PYROXD1: variants seen among roughly 807,000 people sequenced by gnomAD.
The protein encoded by PYROXD1 is tRNA ligase complex-associated NAD(P)H dehydrogenase PYROXD1.
A neutral mutation model predicts 62.0 loss-of-function variants in PYROXD1; 42 were observed. The ratio of observed to expected loss-of-function variants is 0.68; its 90% CI spans 0.53 to 0.88. The LOEUF (loss-of-function observed/expected upper bound fraction) is 0.88, where lower values mean the gene tolerates loss of function less well. Among genes scored for constraint, PYROXD1 ranks in the 40% least tolerant of loss-of-function variants. The pLI, the probability that PYROXD1 is intolerant of heterozygous loss-of-function variation, is 0.00. For missense variants in PYROXD1, 493 were observed against 604.8 expected, an observed-to-expected ratio of 0.82 and a Z score of 1.94; for synonymous variants, 170 against 206.4, an observed-to-expected ratio of 0.82 and a Z score of 1.51.
At chr12:21,449,465 G>A in intron 3 of PYROXD1, 98 bp from the exon 4 acceptor site, 1 of 1,158,762 alleles carries the variant, frequency 8.6e-7, no homozygotes, top group Admixed American at 2.5e-5. Context: ...AATATATTAT[G>A]TTTTGCTTTT....
At position 21,440,456 on chromosome 12, in the gene PYROXD1, C is replaced by T; in HGVS notation, c.165+8C>T. ...GTTACAAATTTCAAGCAGGTAAGAACCTTTGTATAACTTGTTAATATTAAT... is the reference window on the plus strand; with the variant it reads ...GTTACAAATTTCAAGCAGGTAAGAATCTTTGTATAACTTGTTAATATTAAT... On this transcript the variant is annotated splice_region_variant and intron_variant, in intron 2 of 11. Transcript: ENST00000240651. 1 of 1,517,902 alleles carries T rather than the reference C, an allele frequency of 6.6e-7. No homozygotes were observed. Among genetic ancestry groups the T allele is most frequent in the Non-Finnish European group, 9.0e-7 (1 of 1,105,700 alleles). 94.0% of individuals were successfully genotyped at this position (1,517,902 alleles called of 1,614,324 possible).
In PYROXD1 at chr12:21,437,821, C is replaced by G; in HGVS notation, c.84+7C>G. ...CGTCACTTGTGCGGAGCAGGTAGGG[C>G]GGTGCTCAGGCGGTTCCGCCTCTTT... On this transcript the variant is annotated splice_region_variant and intron_variant, in intron 1 of 11. Coordinates refer to ENST00000240651, the MANE Select transcript of PYROXD1 (RefSeq NM_024854.5). The G allele has an allele frequency of 6.2e-7, 1 of 1,610,686 alleles. No homozygotes were observed. The highest frequency in any genetic ancestry group is 1.1e-5 in the South Asian group (1 of 90,252).
In PYROXD1 at chr12:21,464,140, T is replaced by G. The variant is rs1273088659; in HGVS notation, c.1116+1278T>G. Among the ~76,000 whole-genome samples the G allele has an allele frequency of 1.6e-3, 94 of 58,628 alleles. 1 individual carries two copies. The South Asian group carries it at 0.035, about 22-fold the overall frequency. 38.5% of individuals were successfully genotyped at this position (58,628 alleles called of 152,430 possible). On this transcript the variant is annotated intron_variant, in intron 10 of 11. Transcript: ENST00000240651. ...TTCTTAGAGTTGGAGTTTATGGGTT[T>G]TTTTTTTTTTAACATTTTTAATTCT...
chr12:21,469,208 G>C lies in PYROXD1; in HGVS notation c.*454G>C, dbSNP rs1942864676. The C allele has an allele frequency of 6.3e-6, 1 of 159,378 alleles. No homozygotes were observed. The highest frequency in any genetic ancestry group is 1.4e-5 in the Non-Finnish European group (1 of 72,752). The allele number at this position is 159,378 out of a possible 1,614,324, so 9.9% of individuals were successfully genotyped here. Reference sequence around the variant, plus strand: ...TATCTCGTTTGCTAATATTTATATTGATGACTTACTCCTTTTTTGTTGAAT... The same window carrying C: ...TATCTCGTTTGCTAATATTTATATTCATGACTTACTCCTTTTTTGTTGAAT... On this transcript the variant is annotated 3_prime_UTR_variant, in exon 12 of 12. Coordinates refer to ENST00000240651, the MANE Select transcript of PYROXD1 (RefSeq NM_024854.5).
At chr12:21,467,409 T>C in intron 10 of PYROXD1, 72 bp from the exon 11 acceptor site, 1 of 1,426,040 alleles carries the variant, frequency 7.0e-7, no homozygotes, top group South Asian at 1.4e-5. Flanking sequence ...TTTAAGTGAA[T>C]TTACAAGGTT....
Position 21,449,602 on chromosome 12 carries a change from A to T in PYROXD1, c.325A>T (p.Lys109Ter), listed in dbSNP as rs768687242. ...AGATGGCAATCAGCACGTATATAAG[A>T]AACTCTGTCTGTGTGCTGGAGCTAA... is the stretch of plus-strand genomic sequence containing the variant. Reference protein sequence around the residue: ...TEDGNQHVYKKLCLCAGAKPK... With the variant: ...TEDGNQHVYK Residue 109 changes from lysine (K) to a stop codon, truncating the protein, a stop_gained, in exon 4 of 12, where the codon AAA becomes TAA. Transcript: ENST00000240651. LOFTEE classifies it high-confidence loss of function. The T allele has an allele frequency of 1.2e-6, 2 of 1,613,340 alleles. No homozygotes were observed. The highest frequency in any genetic ancestry group is 1.7e-4 in the Middle Eastern group (1 of 6,056).
chr12:21,447,106 T>C lies in PYROXD1; in HGVS notation c.285+1640T>C, dbSNP rs573905788. Among the ~76,000 whole-genome samples, 58 of 152,248 alleles carry C rather than the reference T, an allele frequency of 3.8e-4. 1 individual carries two copies. The highest frequency in any genetic ancestry group is 1.2e-3 in the African/African-American group (50 of 41,554). On this transcript the variant is annotated intron_variant, in intron 3 of 11. Transcript: ENST00000240651. ...CTCAGGAAAGGATGTTGTTAGATGATTTACAGTATCCTCAGATGAGCTTCA... is the reference window on the plus strand; with the variant it reads ...CTCAGGAAAGGATGTTGTTAGATGACTTACAGTATCCTCAGATGAGCTTCA...
At position 21,470,404 on chromosome 12, in the gene PYROXD1, T is replaced by G; in HGVS notation, c.*1650T>G. ...CTTGGTAAAAATCCAGCTATTCAGT[T>G]TTCTCATGAGATTAAATATTTCAAA... On this transcript the variant is annotated 3_prime_UTR_variant, in exon 12 of 12. Coordinates refer to ENST00000240651, the MANE Select transcript of PYROXD1 (RefSeq NM_024854.5). The G allele has an allele frequency of 6.8e-7, 1 of 1,472,942 alleles. No homozygotes were observed. The allele number at this position is 1,472,942 out of a possible 1,614,324, so 91.2% of individuals were successfully genotyped here. A position where few individuals can be genotyped will look rare whatever the true frequency, so the allele number is the denominator to read the frequency against.
chr12:21,467,997 A>G (rs1235586432), intron 11 of PYROXD1, among the ~76,000 whole-genome samples: 2 of 140,356 alleles, frequency 1.4e-5, no homozygotes, highest in Non-Finnish European at 3.0e-5. Context: ...TCCTCTTCAC[A>G]TTGACAAAGG....
At chr12:21,454,992 C>A in intron 5 of PYROXD1, 140 bp from the exon 6 acceptor site, 1 of 429,620 alleles carries the variant, frequency 2.3e-6, no homozygotes, top group East Asian at 3.5e-5. Flanking sequence ...CGTTAATATT[C>A]CTCTTTATAA....
intron 4 of PYROXD1, among the ~76,000 whole-genome samples, chr12:21,450,038 T>G (rs1225186150): frequency 6.6e-6 from 1 of 150,954 alleles, no homozygotes; most frequent in Non-Finnish European, 1.5e-5. Flanking sequence ...TTTTTTTTTT[T>G]TTTTGTATTT....
At chr12:21,439,705 G>A (rs1942259014) in intron 1 of PYROXD1, among the ~76,000 whole-genome samples, 1 of 152,196 alleles carries the variant, frequency 6.6e-6, no homozygotes, top group African/African-American at 2.4e-5. Flanking sequence ...ATTATTGAGG[G>A]TGGTGGTGTC....
intron 3 of PYROXD1, chr12:21,448,296 G>A (rs1318887169): frequency 3.2e-5 from 11 of 338,782 alleles, no homozygotes; most frequent in Non-Finnish European, 5.7e-5. Context: ...GACGCAGAGT[G>A]TGTGGCTCAC....
intron 11 of PYROXD1, 68 bp downstream of exon 11, chr12:21,467,686 T>C (rs1942827016): frequency 2.4e-6 from 3 of 1,226,578 alleles, no homozygotes; most frequent in Non-Finnish European, 2.3e-6. Flanking sequence ...AATCATGTGA[T>C]TTTCTTGCTT....
chr12:21,451,400 T>TG (rs1387557634), intron 4 of PYROXD1, among the ~76,000 whole-genome samples: 97 of 152,128 alleles, frequency 6.4e-4, no homozygotes, highest in African/African-American at 2.3e-3. Context: ...CTTTTTTTTC[T>TG]GGGGGGTGGA....
In PYROXD1 at chr12:21,466,161, G is replaced by A. The variant is rs537672200; in HGVS notation, c.1117-1320G>A. Among the ~76,000 whole-genome samples, 83 of 150,748 alleles carry A rather than the reference G, an allele frequency of 5.5e-4. 1 individual carries two copies. In the South Asian group the frequency reaches 0.016, roughly 30 times the overall value. On this transcript the variant is annotated intron_variant, in intron 10 of 11. Coordinates refer to ENST00000240651, the MANE Select transcript of PYROXD1 (RefSeq NM_024854.5). ...ACTTGGCGATGCGGGCTCTTTTTTG[G>A]TTCCATATGAACTTTAAAGTAGTTT...
In PYROXD1 at chr12:21,468,556, A is replaced by C; in HGVS notation, c.1305A>C (p.Glu435Asp). 2 of 1,612,890 alleles carry C rather than the reference A, an allele frequency of 1.2e-6. No individual in the cohort carries two copies. The highest frequency in any genetic ancestry group is 1.7e-6 in the Non-Finnish European group (2 of 1,179,172). The change falls in exon 12 of 12, where the codon GAA (glutamate) becomes GAC (aspartate). Residue 435 changes from glutamate (E) to aspartate (D), a missense_variant. Physicochemically the swap from Glu to Asp is conservative, Grantham distance 45 (BLOSUM62 2). Transcript: ENST00000240651. ...CACAGGGCTTAGGTTCAGATCATGAATTAATGCTGAGATGTACCAAAGGAC... is the reference window on the plus strand; with the variant it reads ...CACAGGGCTTAGGTTCAGATCATGACTTAATGCTGAGATGTACCAAAGGAC... ...YNAQGLGSDH[E>D]LMLRCTKGRE...
chr12:21,440,438 A>G lies in PYROXD1; in HGVS notation c.155A>G (p.Asn52Ser). The G allele has an allele frequency of 6.3e-7, 1 of 1,590,206 alleles. No homozygotes were observed. The highest frequency in any genetic ancestry group is 8.6e-7 in the Non-Finnish European group (1 of 1,164,386). Residue 52 changes from asparagine (N) to serine (S), a missense_variant, in exon 2 of 12, where the codon AAT becomes AGT. Asn to Ser is a conservative substitution (Grantham distance 46). Around this residue, in one of 2 missense-constraint regions of PYROXD1, gnomAD observed 164 missense variants for 158.2 expected, o/e 1.04. Coordinates refer to ENST00000240651, the MANE Select transcript of PYROXD1 (RefSeq NM_024854.5). ...TASPVIKAVT[N>S]FKQISKILEE... ...TCTCCTGTTATTAAAGCAGTTACAA[A>G]TTTCAAGCAGGTAAGAACCTTTGTA...
intron 7 of PYROXD1, chr12:21,460,778 A>C (rs965151138): frequency 5.5e-5 from 14 of 253,668 alleles, no homozygotes; most frequent in Non-Finnish European, 6.0e-5. Context: ...GCCTAGGCTA[A>C]AAAGCATTCC....
Sources: gnomAD v4.1 joint callset for allele counts (sites outside exome capture counted in the v4.1 genomes callset) on GRCh38, gnomAD v4.1.1 for gene constraint, gnomAD v4.1.1 regional missense constraint, MANE v1.5 for transcripts, NCBI Gene and HGNC (gene_info 2026-07-23, HGNC 2026-07-21) for gene names.